The following SAMD3 variants were observed in gnomAD, a reference collection of about 807,000 sequenced individuals.
The protein encoded by SAMD3 is sterile alpha motif domain containing 3.
A neutral mutation model predicts 58.5 loss-of-function variants in SAMD3; 63 were observed. That is an observed-to-expected ratio of 1.08 (90% confidence interval 0.88 to 1.33). SAMD3 has a LOEUF of 1.33. SAMD3 is among the 40% of genes most tolerant of loss of function. The pLI, the probability that SAMD3 is intolerant of heterozygous loss-of-function variation, is 0.00. For missense variants in SAMD3, 604 were observed against 608.4 expected (o/e 0.99, Z 0.08); for synonymous variants, 220 against 210.3 (o/e 1.05, Z -0.40).
At position 130,144,345 on chromosome 6, in the gene SAMD3, T is replaced by C. The variant is rs1230415600; in HGVS notation, c.*175A>G. 5 of 583,334 alleles carry C rather than the reference T, an allele frequency of 8.6e-6. No individual in the cohort carries two copies. The highest frequency in any genetic ancestry group is 5.7e-5 in the African/African-American group (3 of 52,532). 36.1% of individuals were successfully genotyped at this position (583,334 alleles called of 1,614,324 possible). ...TGAAGTAGAATTTTATTACAGAATTTCACAAAGAACTTAATATCTAAGTGT... is the reference window on the plus strand; with the variant it reads ...TGAAGTAGAATTTTATTACAGAATTCCACAAAGAACTTAATATCTAAGTGT... On this transcript the variant is annotated 3_prime_UTR_variant, in exon 12 of 12. Coordinates refer to ENST00000439090, the MANE Select transcript of SAMD3 (RefSeq NM_001017373.4).
intron 2 of SAMD3, among the ~76,000 whole-genome samples, chr6:130,274,578 CAA>C (rs1292819914): frequency 1.3e-5 from 2 of 152,012 alleles, no homozygotes; most frequent in Non-Finnish European, 2.9e-5. Flanking sequence ...TATTTTGGGC[CAA>C]AGAGATTTTA....
upstream of SAMD3, among the ~76,000 whole-genome samples, chr6:130,226,076 C>A (rs575518223): frequency 6.6e-6 from 1 of 152,184 alleles, no homozygotes; most frequent in Non-Finnish European, 1.5e-5. Context: ...TTCAGGACAG[C>A]GCCGCTTTTC....
chr6:130,202,085 A>G (rs917616181), intron 5 of SAMD3, among the ~76,000 whole-genome samples: 2 of 152,232 alleles, frequency 1.3e-5, no homozygotes, highest in Non-Finnish European at 2.9e-5. Context: ...AGAAAAACAG[A>G]TTAGAAATCA....
Position 130,145,100 on chromosome 6 carries a change from A to G in SAMD3, c.1278+240T>C, listed in dbSNP as rs181920425. On this transcript the variant is annotated intron_variant, in intron 11 of 11. Coordinates refer to ENST00000439090, the MANE Select transcript of SAMD3 (RefSeq NM_001017373.4). Reference sequence around the variant, plus strand: ...CACCGTGAAACCCCGTCTCTACTAAAATACAAAAATTAGCTGGGCGTGGTG... The same window carrying G: ...CACCGTGAAACCCCGTCTCTACTAAGATACAAAAATTAGCTGGGCGTGGTG... Among the ~76,000 whole-genome samples, 591 of 152,142 alleles carry G rather than the reference A, an allele frequency of 3.9e-3. 2 individuals carry two copies. Among genetic ancestry groups the G allele is most frequent in the Non-Finnish European group, 6.8e-3 (463 of 67,990 alleles).
intron 2 of SAMD3, among the ~76,000 whole-genome samples, chr6:130,310,251 T>C (rs1370636370): frequency 6.6e-6 from 1 of 152,194 alleles, no homozygotes; most frequent in Non-Finnish European, 1.5e-5. Context: ...TATTGTAATA[T>C]CTGTATTGCA....
intron 1 of SAMD3, among the ~76,000 whole-genome samples, chr6:130,325,808 C>T (rs1038956400): frequency 1.3e-5 from 2 of 152,158 alleles, no homozygotes; most frequent in African/African-American, 4.8e-5. Flanking sequence ...CGTTCCTGAA[C>T]TCATCATCAT....
At chr6:130,203,847 C>T (rs1162431030) in intron 5 of SAMD3, among the ~76,000 whole-genome samples, 2 of 152,190 alleles carry the variant, frequency 1.3e-5, no homozygotes, top group Non-Finnish European at 2.9e-5. Context: ...ACTAGGCTGG[C>T]ACACTTCCTT....
chr6:130,203,942 G>T (rs570886830), intron 5 of SAMD3, among the ~76,000 whole-genome samples: 57 of 152,224 alleles, frequency 3.7e-4, no homozygotes, highest in African/African-American at 1.3e-3. Context: ...GAAAGAGCCT[G>T]CAAACAACGC....
At chr6:130,215,854 C>T in intron 2 of SAMD3, 3 of 1,534,452 alleles carry the variant, frequency 2.0e-6, no homozygotes, top group Non-Finnish European at 2.6e-6. Context: ...TCATTGTTTT[C>T]CGTTAGCAAG....
intron 7 of SAMD3, among the ~76,000 whole-genome samples, chr6:130,176,404 A>C (rs917624672): frequency 6.6e-6 from 1 of 152,188 alleles, no homozygotes; most frequent in African/African-American, 2.4e-5. Context: ...TGGCTTATGG[A>C]TTGATGCATT....
chr6:130,200,816 T>C (rs1322643921), intron 5 of SAMD3, among the ~76,000 whole-genome samples: 1 of 152,182 alleles, frequency 6.6e-6, no homozygotes, highest in Non-Finnish European at 1.5e-5. Context: ...GTTGAGTGTT[T>C]TCTATATAAA....
At chr6:130,289,360 A>G (rs1775283257) in intron 2 of SAMD3, among the ~76,000 whole-genome samples, 1 of 152,162 alleles carries the variant, frequency 6.6e-6, no homozygotes, top group Non-Finnish European at 1.5e-5. Flanking sequence ...TTTGCATATT[A>G]TGTTAGCTCT....
rs188402751 is a variant in SAMD3, at chr6:130,176,698, C to T, written c.655-690G>A. Among the ~76,000 whole-genome samples, 131 of 152,238 alleles carry T rather than the reference C, an allele frequency of 8.6e-4. 1 individual carries two copies. Among genetic ancestry groups the T allele is most frequent in the Admixed American group, 2.6e-3 (39 of 15,284 alleles). ...TCCTGTAGGAAGTGAATCTAAACTG[C>T]GGCTTAGGTCTTAGGGTCAGGTAAC... On this transcript the variant is annotated intron_variant, in intron 7 of 11. Coordinates refer to ENST00000439090, the MANE Select transcript of SAMD3 (RefSeq NM_001017373.4).
intron 1 of SAMD3, among the ~76,000 whole-genome samples, chr6:130,322,061 C>T (rs898495679): frequency 5.3e-5 from 8 of 152,142 alleles, no homozygotes; most frequent in Non-Finnish European, 1.0e-4. Context: ...GCTGTGAGGG[C>T]CTGATCCAGC....
At position 130,215,193 on chromosome 6, in the gene SAMD3, A is replaced by T. The variant is rs1276872559; in HGVS notation, c.79+2T>A. The T allele has an allele frequency of 5.2e-6, 8 of 1,551,458 alleles. No homozygotes were observed. The highest frequency in any genetic ancestry group is 7.1e-6 in the Non-Finnish European group (8 of 1,125,100). On this transcript the variant is annotated splice_donor_variant, in intron 3 of 11. Coordinates refer to ENST00000439090, the MANE Select transcript of SAMD3 (RefSeq NM_001017373.4). LOFTEE classifies it high-confidence loss of function. The stretch of plus-strand genomic sequence containing the variant: ...AATTTTTGGAAAGCATAAACAACTC[A>T]CCTTGAAATCTATGAACTAGCTCTC...
intron 2 of SAMD3, among the ~76,000 whole-genome samples, chr6:130,265,947 C>T (rs1477543750): frequency 6.6e-6 from 1 of 152,148 alleles, no homozygotes; most frequent in Non-Finnish European, 1.5e-5. Context: ...ATACTGGTCT[C>T]ATGTCATTTA....
chr6:130,246,204 A>C (rs892410727), intron 2 of SAMD3, among the ~76,000 whole-genome samples: 3 of 152,220 alleles, frequency 2.0e-5, no homozygotes, highest in Non-Finnish European at 4.4e-5. Context: ...AAGACATACA[A>C]ACATATGAAA....
At position 130,176,784 on chromosome 6, in the gene SAMD3, G is replaced by C. The variant is rs367869269; in HGVS notation, c.655-776C>G. ...AGTTGGGTAGATGCACAGAAGTTCC[G>C]GAAGGATGAAGCTGCAAGTGCAATG... On this transcript the variant is annotated intron_variant, in intron 7 of 11. Coordinates refer to ENST00000439090, the MANE Select transcript of SAMD3 (RefSeq NM_001017373.4). Among the ~76,000 whole-genome samples, 4 of 152,288 alleles carry C rather than the reference G, an allele frequency of 2.6e-5. No individual in the cohort carries two copies. In the East Asian group the frequency reaches 7.7e-4, roughly 29 times the overall value.
intron 2 of SAMD3, among the ~76,000 whole-genome samples, chr6:130,254,854 T>G (rs1562483124): frequency 6.6e-6 from 1 of 152,216 alleles, no homozygotes; most frequent in Non-Finnish European, 1.5e-5. Flanking sequence ...TTTAAATGTT[T>G]GGTAGAATTG....
Sources: allele counts gnomAD v4.1 joint callset (sites outside exome capture counted in the v4.1 genomes callset), GRCh38; gene constraint gnomAD v4.1.1; transcripts MANE v1.5; gene names NCBI Gene and HGNC (gene_info 2026-07-23, HGNC 2026-07-21).